DOP1B: variants seen among roughly 807,000 people sequenced by gnomAD.
The protein encoded by DOP1B is DOP1 leucine zipper like protein B.
DOP1B carries 174 observed loss-of-function variants against 233.5 expected under a neutral mutation model. The observed-to-expected ratio is 0.75, with a 90% CI of 0.66 to 0.85. The LOEUF is 0.85. Among genes scored for constraint, DOP1B ranks in the 40% least tolerant of loss-of-function variants. The pLI is 0.00. For synonymous variants in DOP1B, 1,190 were observed against 1,185.6 expected (o/e 1.00, Z -0.08); for missense variants, 2,652 against 2,846.6 (o/e 0.93, Z 1.56).
At chr21:36,209,547 T>C (rs1295666557) in intron 5 of DOP1B, among the ~76,000 whole-genome samples, 1 of 152,158 alleles carries the variant, frequency 6.6e-6, no homozygotes, top group Non-Finnish European at 1.5e-5. Flanking sequence ...TTCCTTCCTC[T>C]GTCCTGTGTC....
chr21:36,232,291 A>C lies in DOP1B; in HGVS notation c.2351-513A>C, dbSNP rs1046686028. On this transcript the variant is annotated intron_variant, in intron 14 of 36. Coordinates refer to ENST00000691173, the MANE Select transcript of DOP1B (RefSeq NM_001320714.2). ...AGCCACCGTGCCTGGCCAATATTTT[A>C]TATATTGGTTTGCTAGGGCTCCTCT... Among the ~76,000 whole-genome samples, 3 of 152,230 alleles carry C rather than the reference A, an allele frequency of 2.0e-5. No homozygotes were observed. In the East Asian group the frequency reaches 5.8e-4, roughly 29 times the overall value.
chr21:36,265,150 C>A (rs1012557917), intron 26 of DOP1B, among the ~76,000 whole-genome samples: 1 of 152,206 alleles, frequency 6.6e-6, no homozygotes, highest in African/African-American at 2.4e-5. Context: ...AATCCCAGCA[C>A]TTTGGGAGGC....
intron 27 of DOP1B, among the ~76,000 whole-genome samples, chr21:36,271,665 C>T (rs983531538): frequency 3.3e-5 from 5 of 152,058 alleles, no homozygotes; most frequent in Non-Finnish European, 5.9e-5. Context: ...ACCGGGACCC[C>T]TTAGCTGGTG....
At chr21:36,257,606 ATAG>A in intron 23 of DOP1B, among the ~76,000 whole-genome samples, 1 of 91,752 alleles carries the variant, frequency 1.1e-5, no homozygotes, top group Non-Finnish European at 2.8e-5. Flanking sequence ...TGATAGATAG[ATAG>A]ATAGATAGAT....
intron 2 of DOP1B, among the ~76,000 whole-genome samples, chr21:36,194,116 A>C (rs1484044827): frequency 6.6e-6 from 1 of 152,180 alleles, no homozygotes; most frequent in Non-Finnish European, 1.5e-5. Flanking sequence ...AGGCATCAGT[A>C]ATAGCCTCAG....
intron 32 of DOP1B, among the ~76,000 whole-genome samples, 193 bp from the exon 33 acceptor site, chr21:36,287,821 G>A (rs1480417487): frequency 6.6e-6 from 1 of 151,848 alleles, no homozygotes; most frequent in Non-Finnish European, 1.5e-5. Context: ...TCCTTATCTT[G>A]TTATCCGCCC....
chr21:36,178,751 G>A (rs1258633516), intron 2 of DOP1B, among the ~76,000 whole-genome samples: 1 of 152,190 alleles, frequency 6.6e-6, no homozygotes, highest in East Asian at 1.9e-4. Context: ...TCACATACAG[G>A]CATTCCCATT....
intron 2 of DOP1B, among the ~76,000 whole-genome samples, chr21:36,195,695 T>G (rs1432105697): frequency 1.3e-5 from 2 of 152,208 alleles, no homozygotes; most frequent in Non-Finnish European, 2.9e-5. Flanking sequence ...TAGCAATCAG[T>G]TCTATTAATT....
intron 18 of DOP1B, 90 bp from the exon 19 acceptor site, chr21:36,244,958 T>C (rs908299695): frequency 7.6e-7 from 1 of 1,317,020 alleles, no homozygotes; most frequent in Non-Finnish European, 1.0e-6. Context: ...TTGATCTTTC[T>C]GTCTGGCTTT....
chr21:36,285,525 A>G (rs1038553764), intron 32 of DOP1B, among the ~76,000 whole-genome samples: 1 of 152,106 alleles, frequency 6.6e-6, no homozygotes, highest in African/African-American at 2.4e-5. Context: ...TGTCCCCAGG[A>G]TGCTCGTGGA....
chr21:36,186,636 C>G (rs2066168801), intron 2 of DOP1B, among the ~76,000 whole-genome samples: 1 of 152,090 alleles, frequency 6.6e-6, no homozygotes, highest in South Asian at 2.1e-4. Flanking sequence ...ACTTCCTCAG[C>G]CTCCCCTGAC....
At chr21:36,170,531 G>A (rs1378387904) in intron 2 of DOP1B, 1 of 155,932 alleles carries the variant, frequency 6.4e-6, no homozygotes, top group Non-Finnish European at 1.4e-5. Context: ...GGGAGGCAGA[G>A]GTTGCAGTGA....
At position 36,216,488 on chromosome 21, in the gene DOP1B, A is replaced by G. The variant is rs1478652848; in HGVS notation, c.1129+1932A>G. 3.3e-5 allele frequency among the ~76,000 whole-genome samples: 5 copies of G among 151,692 alleles called. No individual in the cohort carries two copies. The South Asian group carries it at 6.3e-4, about 19-fold the overall frequency. ...TAGCCAGGCATGACAGTGCACACCT[A>G]TAATCGCAGCTACTTGGGAGTCTGA... On this transcript the variant is annotated intron_variant, in intron 9 of 36. Coordinates refer to ENST00000691173, the MANE Select transcript of DOP1B (RefSeq NM_001320714.2).
intron 4 of DOP1B, among the ~76,000 whole-genome samples, chr21:36,207,109 T>C (rs1289229032): frequency 6.6e-6 from 1 of 151,954 alleles, no homozygotes; most frequent in Non-Finnish European, 1.5e-5. Flanking sequence ...AGAGTGGACC[T>C]AGTAGTAATT....
At chr21:36,170,243 C>G (rs1568997429) in intron 2 of DOP1B, 4 of 361,454 alleles carry the variant, frequency 1.1e-5, no homozygotes, top group Admixed American at 8.7e-5. Context: ...TCCCTAATGA[C>G]TAATAATTTT....
At chr21:36,263,975 G>A (rs1342098238) in intron 26 of DOP1B, among the ~76,000 whole-genome samples, 161 bp downstream of exon 26, 5 of 152,242 alleles carry the variant, frequency 3.3e-5, no homozygotes, top group Non-Finnish European at 1.5e-5. Context: ...TGTCTCTAGA[G>A]AGTTCGGACA....
At chr21:36,242,991 T>C (rs991531007) in intron 18 of DOP1B, among the ~76,000 whole-genome samples, 1 of 151,134 alleles carries the variant, frequency 6.6e-6, no homozygotes. Flanking sequence ...CTTTTTTTTT[T>C]TTTTTTGAGA....
chr21:36,156,895 C>G lies in DOP1B; in HGVS notation c.-75C>G, dbSNP rs529369216. ...AGTCTCTCTCCCCCAGCCCGGAGGG[C>G]TCCTCCGCGCCGCACGTGAGCGCGC... On this transcript the variant is annotated 5_prime_UTR_variant, in exon 1 of 37. Coordinates refer to ENST00000691173, the MANE Select transcript of DOP1B (RefSeq NM_001320714.2). 3 of 152,336 alleles carry G rather than the reference C, an allele frequency of 2.0e-5. No homozygotes were observed. The highest frequency in any genetic ancestry group is 7.2e-5 in the African/African-American group (3 of 41,460). The allele number at this position is 152,336 out of a possible 1,614,324, so 9.4% of individuals were successfully genotyped here.
intron 4 of DOP1B, among the ~76,000 whole-genome samples, chr21:36,205,903 A>T (rs553572166): frequency 6.6e-6 from 1 of 152,142 alleles, no homozygotes; most frequent in Non-Finnish European, 1.5e-5. Context: ...CCAGATACTC[A>T]GGAGGCTGAG....
Sources: gnomAD v4.1 joint callset for allele counts (sites outside exome capture counted in the v4.1 genomes callset) on GRCh38, gnomAD v4.1.1 for gene constraint, MANE v1.5 for transcripts, NCBI Gene and HGNC (gene_info 2026-07-23, HGNC 2026-07-21) for gene names.